The following GRAMD2B variants were observed in gnomAD, a reference collection of about 807,000 sequenced individuals.
The protein encoded by GRAMD2B is GRAM domain-containing protein 2B.
In GRAMD2B, 41 loss-of-function variants were observed where a neutral mutation model predicts 59.2. The ratio of observed to expected loss-of-function variants is 0.69; its 90% CI spans 0.54 to 0.90. The LOEUF is 0.90. Ranked by LOEUF, GRAMD2B falls within the 40% of genes least tolerant of loss-of-function variation. GRAMD2B has a pLI of 0.00. For synonymous variants in GRAMD2B, 161 were observed against 182.7 expected, an observed-to-expected ratio of 0.88 and a Z score of 0.96; for missense variants, 424 against 500.5, an observed-to-expected ratio of 0.85 and a Z score of 1.46.
intron 8 of GRAMD2B, among the ~76,000 whole-genome samples, chr5:126,481,208 AAAGAAAGAAAGAAAG>A (rs1561598638): frequency 1.0e-3 from 7 of 6,726 alleles, no homozygotes; most frequent in African/African-American, 2.1e-3. Context: ...AAAAAAAAAG[AAAGAAAGAAAGAAAG>A]AAAGAAAGAA....
chr5:126,399,184 A>G (rs778922837), intron 1 of GRAMD2B, among the ~76,000 whole-genome samples: 3 of 152,162 alleles, frequency 2.0e-5, no homozygotes, highest in Non-Finnish European at 4.4e-5. Flanking sequence ...CCATTAGTGT[A>G]AGTGGGGTAT....
At chr5:126,372,382 C>A (rs1410152991) in intron 1 of GRAMD2B, among the ~76,000 whole-genome samples, 2 of 152,108 alleles carry the variant, frequency 1.3e-5, no homozygotes, top group African/African-American at 2.4e-5. Context: ...GCACCATATC[C>A]AGAAATTCAA....
chr5:126,381,738 T>C (rs946745848), intron 1 of GRAMD2B, among the ~76,000 whole-genome samples: 34 of 152,328 alleles, frequency 2.2e-4, no homozygotes, highest in African/African-American at 7.7e-4. Flanking sequence ...GTGCTATTTG[T>C]TGCCTGAATA....
chr5:126,488,055 A>G (rs931006066), intron 12 of GRAMD2B, among the ~76,000 whole-genome samples: 1 of 152,214 alleles, frequency 6.6e-6, no homozygotes, highest in Non-Finnish European at 1.5e-5. Context: ...GTGTTATACC[A>G]TTCTAGGACC....
intron 1 of GRAMD2B, among the ~76,000 whole-genome samples, chr5:126,441,617 A>G (rs1763304984): frequency 6.6e-6 from 1 of 152,218 alleles, no homozygotes; most frequent in African/African-American, 2.4e-5. Context: ...CATGCCATAC[A>G]AGGGAGAACT....
upstream of GRAMD2B, among the ~76,000 whole-genome samples, chr5:126,422,724 G>A (rs1024771726): frequency 1.3e-5 from 2 of 152,314 alleles, no homozygotes; most frequent in African/African-American, 4.8e-5. Flanking sequence ...AAGTCAAAAT[G>A]TCACCAAAAG....
chr5:126,409,582 A>T lies in GRAMD2B; in HGVS notation c.125+38015A>T, dbSNP rs570146044. Among the ~76,000 whole-genome samples, 76 of 151,962 alleles carry T rather than the reference A, an allele frequency of 5.0e-4. No homozygotes were observed. The South Asian group carries it at 0.015, about 30-fold the overall frequency. ...TGTTTGAGTTCATTGTAGGTTCTGG[A>T]TATTAGCCCTTTGTCAGATGAGTAG... On this transcript the variant is annotated intron_variant, in intron 1 of 8. Transcript: ENST00000506445.
At chr5:126,459,195 A>G (rs896034661) in intron 1 of GRAMD2B, 1 of 152,212 alleles carries the variant, frequency 6.6e-6, no homozygotes, top group Non-Finnish European at 1.5e-5. Flanking sequence ...CACTCCTTTT[A>G]TCTATCTGCT....
rs747093959 is a variant in GRAMD2B, at chr5:126,483,461, A to G, written c.736-2A>G. On this transcript the variant is annotated splice_acceptor_variant, in intron 8 of 13. Transcript: ENST00000285689. LOFTEE classifies it high-confidence loss of function. ...TGTCTTCATTTCACTGTTTCCTTTC[A>G]GGATTTCAATGATGAATTCTCAGAT... The G allele has an allele frequency of 1.3e-6, 2 of 1,587,084 alleles. No homozygotes were observed. The highest frequency in any genetic ancestry group is 1.7e-6 in the Non-Finnish European group (2 of 1,155,812).
intron 1 of GRAMD2B, among the ~76,000 whole-genome samples, chr5:126,453,190 C>T (rs1255384235): frequency 6.6e-6 from 1 of 152,028 alleles, no homozygotes; most frequent in Non-Finnish European, 1.5e-5. Flanking sequence ...CAAAAATTAA[C>T]TGGGCATGAT....
At chr5:126,366,345 G>T (rs1371884442), upstream of GRAMD2B, among the ~76,000 whole-genome samples, 3 of 152,146 alleles carry the variant, frequency 2.0e-5, no homozygotes, top group African/African-American at 7.2e-5. Flanking sequence ...CTAGGATTAG[G>T]TCTTCCACAA....
chr5:126,483,537 T>C lies in GRAMD2B; in HGVS notation c.810T>C (p.Ser270=), dbSNP rs750078043. 3.7e-6 allele frequency: 6 copies of C among 1,612,200 alleles called. No individual in the cohort carries two copies. The African/African-American group carries it at 8.0e-5, about 22-fold the overall frequency. Residue 270 remains serine (S), a synonymous_variant, in exon 9 of 14, where the codon AGT becomes AGC. Coordinates refer to ENST00000285689, the MANE Select transcript of GRAMD2B (RefSeq NM_023927.4). ...QRRQDMEGYS[S]SGSQTPESEN... ...GGCAAGACATGGAAGGATATAGCAGTTCTGGTTCTCAAACTCCTGAATCTG... is the reference window on the plus strand; with the variant it reads ...GGCAAGACATGGAAGGATATAGCAGCTCTGGTTCTCAAACTCCTGAATCTG...
intron 1 of GRAMD2B, among the ~76,000 whole-genome samples, chr5:126,396,145 G>C (rs1346489240): frequency 6.6e-6 from 1 of 152,134 alleles, no homozygotes. Flanking sequence ...TTGATGATTA[G>C]TGATGTTGAG....
chr5:126,385,357 A>C (rs527842547), intron 1 of GRAMD2B, among the ~76,000 whole-genome samples: 1 of 152,338 alleles, frequency 6.6e-6, no homozygotes, highest in East Asian at 1.9e-4. Context: ...ACACAACAAA[A>C]AGGATACTAT....
Position 126,477,802 on chromosome 5 carries a change from G to T in GRAMD2B, c.582+15G>T. ...TCACAGACAGGGTGAGTATGCAGCCGAGCGAGGGCATCTTTGCTTTGTCCT... is the reference window on the plus strand; with the variant it reads ...TCACAGACAGGGTGAGTATGCAGCCTAGCGAGGGCATCTTTGCTTTGTCCT... On this transcript the variant is annotated intron_variant, in intron 6 of 13. Transcript: ENST00000285689. The T allele has an allele frequency of 6.6e-7, 1 of 1,510,338 alleles. No homozygotes were observed. 93.6% of individuals were successfully genotyped at this position (1,510,338 alleles called of 1,614,324 possible). A position where few individuals can be genotyped will look rare whatever the true frequency, so the allele number is the denominator to read the frequency against.
At chr5:126,452,143 A>G (rs899418883) in intron 1 of GRAMD2B, among the ~76,000 whole-genome samples, 1 of 152,204 alleles carries the variant, frequency 6.6e-6, no homozygotes, top group East Asian at 1.9e-4. Context: ...AACAACAGAA[A>G]TTTATTTCTC....
intron 1 of GRAMD2B, among the ~76,000 whole-genome samples, chr5:126,442,333 C>G (rs1763433552): frequency 1.3e-5 from 2 of 150,682 alleles, no homozygotes; most frequent in South Asian, 4.2e-4. Flanking sequence ...CTCTGCCACC[C>G]AGGCTGGAGT....
intron 12 of GRAMD2B, among the ~76,000 whole-genome samples, chr5:126,488,009 T>A (rs1281995586): frequency 1.3e-5 from 2 of 152,230 alleles, no homozygotes; most frequent in African/African-American, 4.8e-5. Context: ...GTGGTGCTGA[T>A]GGCAATGGTC....
At chr5:126,474,238 C>A (rs1307684666) in intron 5 of GRAMD2B, among the ~76,000 whole-genome samples, 1 of 152,160 alleles carries the variant, frequency 6.6e-6, no homozygotes, top group Non-Finnish European at 1.5e-5. Context: ...AACTTTCATA[C>A]TCATGAAGTC....
Sources: gnomAD v4.1 joint callset for allele counts (sites outside exome capture counted in the v4.1 genomes callset) on GRCh38, gnomAD v4.1.1 for gene constraint, MANE v1.5 for transcripts, NCBI Gene and HGNC (gene_info 2026-07-23, HGNC 2026-07-21) for gene names.